The following PRKCA variants were observed in gnomAD, a reference collection of about 807,000 sequenced individuals.
The protein encoded by PRKCA is protein kinase C alpha type.
PRKCA carries 27 observed loss-of-function variants against 87.0 expected under a neutral mutation model. The observed-to-expected ratio is 0.31, with a 90% confidence interval of 0.23 to 0.43. The LOEUF is 0.43. Among genes scored for constraint, PRKCA ranks in the 20% least tolerant of loss-of-function variants. The pLI is 1.00. For missense variants in PRKCA, 518 were observed against 852.3 expected (o/e 0.61, Z 4.88); for synonymous variants, 329 against 311.1 (o/e 1.06, Z -0.61).
intron 2 of PRKCA, among the ~76,000 whole-genome samples, chr17:66,418,164 G>A (rs1210995192): frequency 8.5e-5 from 13 of 152,176 alleles, no homozygotes; most frequent in African/African-American, 3.1e-4. Context: ...TGAAAAAGAT[G>A]GGAATGGCTT....
At chr17:66,472,557 T>G (rs562304509) in intron 2 of PRKCA, among the ~76,000 whole-genome samples, 1 of 152,180 alleles carries the variant, frequency 6.6e-6, no homozygotes, top group Non-Finnish European at 1.5e-5. Flanking sequence ...CATAGTTCCT[T>G]CCTGGGTTTA....
At chr17:66,554,997 C>A (rs748435548) in intron 3 of PRKCA, among the ~76,000 whole-genome samples, 2 of 151,932 alleles carry the variant, frequency 1.3e-5, no homozygotes, top group Non-Finnish European at 2.9e-5. Context: ...CCTGCCTCAA[C>A]CTCCCGAGTA....
At chr17:66,366,865 A>G (rs1457531041) in intron 2 of PRKCA, among the ~76,000 whole-genome samples, 1 of 152,162 alleles carries the variant, frequency 6.6e-6, no homozygotes, top group Non-Finnish European at 1.5e-5. Flanking sequence ...TCAGTCTTTT[A>G]AAAAAAGCAC....
At chr17:66,719,565 G>A (rs1973561663) in intron 8 of PRKCA, among the ~76,000 whole-genome samples, 1 of 152,174 alleles carries the variant, frequency 6.6e-6, no homozygotes, top group Admixed American at 6.5e-5. Flanking sequence ...TCAGGACCTC[G>A]AGACCAGCCT....
At chr17:66,585,541 T>C (rs4510064) in intron 3 of PRKCA, among the ~76,000 whole-genome samples, 23,438 of 152,240 alleles carry the variant, frequency 0.15, 2,147 homozygotes, top group African/African-American at 0.26. Flanking sequence ...TTCTCAGGTA[T>C]TGGGGATTAA....
chr17:66,490,510 A>AT lies in PRKCA; in HGVS notation c.206-5685dup, dbSNP rs567371549. Among the ~76,000 whole-genome samples the AT allele has an allele frequency of 3.0e-3, 462 of 151,826 alleles. 2 individuals are homozygous for AT. Among genetic ancestry groups the AT allele is most frequent in the Non-Finnish European group, 5.1e-3 (347 of 67,914 alleles). On this transcript the variant is annotated intron_variant, in intron 2 of 16. Transcript: ENST00000413366. ...AGGTGCCCACCACCATGCCCGGCTA[A>AT]TTTTTTGTATTTTTTAGTAGAGACG... is the stretch of plus-strand genomic sequence containing the variant.
intron 3 of PRKCA, among the ~76,000 whole-genome samples, chr17:66,581,777 C>G (rs758674673): frequency 2.6e-5 from 4 of 152,186 alleles, no homozygotes; most frequent in Non-Finnish European, 4.4e-5. Flanking sequence ...GCCCGGCCAT[C>G]TTTCTGAAGT....
intron 3 of PRKCA, among the ~76,000 whole-genome samples, chr17:66,548,452 T>C (rs868573583): frequency 6.6e-6 from 1 of 152,170 alleles, no homozygotes; most frequent in Admixed American, 6.5e-5. Context: ...ACACGTCCTC[T>C]AACAAATGAG....
chr17:66,424,654 A>G (rs750999611), intron 2 of PRKCA, among the ~76,000 whole-genome samples: 11 of 151,946 alleles, frequency 7.2e-5, no homozygotes, highest in East Asian at 1.9e-4. Context: ...GGAAAAATCA[A>G]TGTATGAAAG....
intron 13 of PRKCA, among the ~76,000 whole-genome samples, chr17:66,745,146 A>ACTT (rs1234297317): frequency 6.6e-6 from 1 of 152,098 alleles, no homozygotes; most frequent in Admixed American, 6.5e-5. Flanking sequence ...GGGAGAGGGG[A>ACTT]CTTAGTCTAT....
intron 2 of PRKCA, among the ~76,000 whole-genome samples, chr17:66,345,203 A>T (rs1393283480): frequency 6.6e-6 from 1 of 152,186 alleles, no homozygotes; most frequent in African/African-American, 2.4e-5. Flanking sequence ...ATTGTTATCA[A>T]TTCACACATT....
chr17:66,374,789 T>G (rs1427027954), intron 2 of PRKCA, among the ~76,000 whole-genome samples: 1 of 148,230 alleles, frequency 6.7e-6, no homozygotes, highest in Non-Finnish European at 1.5e-5. Flanking sequence ...GCACAGTGGC[T>G]TGATCTTGGC....
chr17:66,681,891 G>A (rs1270909198), intron 5 of PRKCA, among the ~76,000 whole-genome samples: 1 of 152,214 alleles, frequency 6.6e-6, no homozygotes, highest in African/African-American at 2.4e-5. Flanking sequence ...GGAAAGCATA[G>A]CGGTCACTCC....
chr17:66,469,935 A>T (rs1170122740), intron 2 of PRKCA, among the ~76,000 whole-genome samples: 1 of 152,238 alleles, frequency 6.6e-6, no homozygotes, highest in East Asian at 1.9e-4. Context: ...CGAAGGAAAC[A>T]GTTGGGTTAG....
Position 66,384,997 on chromosome 17 carries a change from C to T in PRKCA, c.205+78870C>T, listed in dbSNP as rs150550299. 3.0e-4 allele frequency among the ~76,000 whole-genome samples: 46 copies of T among 152,262 alleles called. No individual in the cohort carries two copies. The East Asian group carries it at 4.6e-3, about 15-fold the overall frequency. ...GGGGTTTTGAGAACTGTGCCTTCCTCTTCTTTGACTTTTAAAACTGATTTC... is the reference window on the plus strand; with the variant it reads ...GGGGTTTTGAGAACTGTGCCTTCCTTTTCTTTGACTTTTAAAACTGATTTC... On this transcript the variant is annotated intron_variant, in intron 2 of 16. Coordinates refer to ENST00000413366, the MANE Select transcript of PRKCA (RefSeq NM_002737.3).
intron 2 of PRKCA, chr17:66,306,401 T>C: frequency 2.9e-6 from 1 of 346,718 alleles, no homozygotes; most frequent in Non-Finnish European, 5.1e-6. Context: ...GCTGTCTTTG[T>C]GTGGGTGTTG....
chr17:66,492,048 T>C (rs1916268726), intron 2 of PRKCA, among the ~76,000 whole-genome samples: 2 of 152,206 alleles, frequency 1.3e-5, no homozygotes, highest in African/African-American at 4.8e-5. Context: ...TCTTCTTCCT[T>C]TGGAGATCAT....
At chr17:66,713,289 A>G (rs1272936519) in intron 8 of PRKCA, among the ~76,000 whole-genome samples, 1 of 151,948 alleles carries the variant, frequency 6.6e-6, no homozygotes, top group Non-Finnish European at 1.5e-5. Context: ...TGACCTTGTG[A>G]TCTGCCTGCC....
chr17:66,333,020 G>A lies in PRKCA; in HGVS notation c.205+26893G>A, dbSNP rs28699335. Among the ~76,000 whole-genome samples the A allele has an allele frequency of 9.2e-3, 1,408 of 152,224 alleles. 20 individuals carry two copies. The highest frequency in any genetic ancestry group is 0.033 in the African/African-American group (1,352 of 41,550). The stretch of plus-strand genomic sequence containing the variant: ...CCTGATATTTTTAAGGGATTTGTTT[G>A]TGATTTAAGAATCTGGCTATTTTAT... On this transcript the variant is annotated intron_variant, in intron 2 of 16. Transcript: ENST00000413366.
Sources: gnomAD v4.1 joint callset for allele counts (sites outside exome capture counted in the v4.1 genomes callset) on GRCh38, gnomAD v4.1.1 for gene constraint, MANE v1.5 for transcripts, NCBI Gene and HGNC (gene_info 2026-07-23, HGNC 2026-07-21) for gene names.